Variants in IL6ST observed in about 807,000 individuals in gnomAD.
IL6ST encodes the protein interleukin-6 receptor subunit beta.
In IL6ST, 24 loss-of-function variants were observed where a neutral mutation model predicts 91.3. The ratio of observed to expected loss-of-function variants is 0.26; its 90% CI spans 0.19 to 0.37. The LOEUF (loss-of-function observed/expected upper bound fraction) is 0.37, where lower values mean the gene tolerates loss of function less well. IL6ST is among the 10% of genes least tolerant of loss of function. The probability of loss-of-function intolerance (pLI) is 1.00; values close to 1 mark genes in which losing one functional copy is unlikely to be tolerated. For missense variants in IL6ST, 914 were observed against 1,078.5 expected (o/e 0.85, Z 2.14); for synonymous variants, 351 against 373.6 (o/e 0.94, Z 0.70).
chr5:55,981,212 T>C (rs914687515), intron 2 of IL6ST, among the ~76,000 whole-genome samples: 9 of 152,188 alleles, frequency 5.9e-5, no homozygotes. Context: ...TTTTAAAAGA[T>C]TGTAATGGAG....
rs979625861 is a variant in IL6ST at position 55,938,308 on chromosome 5, C to G, written c.*2774G>C. On this transcript the variant is annotated 3_prime_UTR_variant, in exon 17 of 17. Coordinates refer to ENST00000381298, the MANE Select transcript of IL6ST (RefSeq NM_002184.4). ...TTTCCTTGCTGCTGTTCCCGAGTGC[C>G]GACTGATCCATAGTAAAAAAGGACA... 5.2e-6 allele frequency: 1 copy of G among 191,016 alleles called. No individual in the cohort carries two copies. The highest frequency in any genetic ancestry group is 1.9e-4 in the South Asian group (1 of 5,140). The allele number at this position is 191,016 out of a possible 1,614,324, so 11.8% of individuals were successfully genotyped here.
In IL6ST at chr5:55,994,113, G is replaced by C. The variant is rs1266552935; in HGVS notation, c.-104+671C>G. On this transcript the variant is annotated intron_variant, in intron 1 of 16. Transcript: ENST00000381298. ...AACCTGTGATTTTTTTTTTTTTTCA[G>C]TTTCGGATTATGAAATAAAATGCTG... is the stretch of plus-strand genomic sequence containing the variant. 1.6e-4 allele frequency: 18 copies of C among 111,496 alleles called. No individual in the cohort carries two copies. In the East Asian group the frequency reaches 4.1e-3, roughly 26 times the overall value. 6.9% of individuals were successfully genotyped at this position (111,496 alleles called of 1,614,324 possible).
intron 1 of IL6ST, among the ~76,000 whole-genome samples, chr5:55,986,984 G>GTT (rs2111924650): frequency 6.6e-6 from 1 of 152,314 alleles, no homozygotes; most frequent in African/African-American, 2.4e-5. Flanking sequence ...GGGCAATATA[G>GTT]TAAGACTCTC....
intron 7 of IL6ST, among the ~76,000 whole-genome samples, chr5:55,961,706 C>T (rs1230044536): frequency 6.7e-6 from 1 of 149,074 alleles, no homozygotes; most frequent in Non-Finnish European, 1.5e-5. Flanking sequence ...TGCAGTAAGC[C>T]AAGATCATGC....
intron 9 of IL6ST, 57 bp downstream of exon 9, chr5:55,957,152 G>A: frequency 4.6e-6 from 4 of 871,186 alleles, no homozygotes; most frequent in Non-Finnish European, 3.5e-6. Context: ...GCGAGACTCG[G>A]TTTCAAAAAA....
intron 15 of IL6ST, among the ~76,000 whole-genome samples, chr5:55,944,264 A>T (rs1041838712): frequency 1.3e-5 from 2 of 152,222 alleles, no homozygotes; most frequent in Admixed American, 1.3e-4. Context: ...CTAAAAGCAT[A>T]AAGATTAGAA....
In IL6ST at chr5:55,969,829, T is replaced by C. The variant is rs2111814925; in HGVS notation, c.91A>G (p.Ile31Val). Residue 31 changes from isoleucine (I) to valine (V), a missense_variant, in exon 4 of 17, where the codon ATC (isoleucine) becomes GTC (valine). Coordinates refer to ENST00000381298, the MANE Select transcript of IL6ST (RefSeq NM_002184.4). Reference sequence around the variant, plus strand: ...TGTACAACTGGAGATTCAGGACTGATATAACCACATGGATCTAGAAGTTCA... The same window carrying C: ...TGTACAACTGGAGATTCAGGACTGACATAACCACATGGATCTAGAAGTTCA... ...TGELLDPCGY[I>V]SPESPVVQLH... 1 of 1,604,812 alleles carries C rather than the reference T, an allele frequency of 6.2e-7. No homozygotes were observed. The highest frequency in any genetic ancestry group is 8.5e-7 in the Non-Finnish European group (1 of 1,172,452).
chr5:55,992,341 G>A (rs1365167577), intron 1 of IL6ST, among the ~76,000 whole-genome samples: 6 of 152,156 alleles, frequency 3.9e-5, no homozygotes, highest in Admixed American at 2.0e-4. Flanking sequence ...GTATGGAGAC[G>A]CAGGATGTAT....
chr5:55,960,029 G>A (rs1053929264), intron 8 of IL6ST, among the ~76,000 whole-genome samples: 2 of 152,050 alleles, frequency 1.3e-5, no homozygotes, highest in African/African-American at 4.8e-5. Flanking sequence ...GGGACTACAG[G>A]CGCCCACCAC....
chr5:55,981,567 T>C (rs977788243), intron 2 of IL6ST, among the ~76,000 whole-genome samples: 3 of 151,838 alleles, frequency 2.0e-5, no homozygotes, highest in Non-Finnish European at 4.4e-5. Context: ...CACTTGAACC[T>C]GGGAGGCGGA....
intron 2 of IL6ST, among the ~76,000 whole-genome samples, chr5:55,977,216 C>G (rs1753352062): frequency 6.6e-6 from 1 of 151,672 alleles, no homozygotes; most frequent in Admixed American, 6.6e-5. Context: ...ATAAACGAAG[C>G]CAGACACAAC....
intron 14 of IL6ST, chr5:55,950,313 G>T: frequency 2.5e-6 from 1 of 402,940 alleles, no homozygotes; most frequent in Non-Finnish European, 5.0e-6. Context: ...GAGGCAGGTG[G>T]ATCACCTGAG....
chr5:55,942,620 C>CTG, intron 16 of IL6ST, 50 bp downstream of exon 16: 1 of 930,670 alleles, frequency 1.1e-6, no homozygotes, highest in Admixed American at 1.9e-5. Context: ...CTCAATATAC[C>CTG]TACTAACATG....
intron 3 of IL6ST, among the ~76,000 whole-genome samples, chr5:55,971,792 T>A (rs1752981632): frequency 1.3e-5 from 2 of 151,904 alleles, no homozygotes; most frequent in Admixed American, 1.3e-4. Context: ...CCAGAAAAAA[T>A]TAAAAACAGT....
chr5:55,961,202 C>G (rs563055885), intron 7 of IL6ST, among the ~76,000 whole-genome samples: 1 of 152,018 alleles, frequency 6.6e-6, no homozygotes, highest in Non-Finnish European at 1.5e-5. Flanking sequence ...TTCCTTTTTT[C>G]CCTTTATTTC....
chr5:55,975,248 C>T (rs1753217626), intron 3 of IL6ST, among the ~76,000 whole-genome samples: 1 of 152,122 alleles, frequency 6.6e-6, no homozygotes, highest in Admixed American at 6.5e-5. Flanking sequence ...TCACTTGGTA[C>T]TGCCTCGAGA....
intron 5 of IL6ST, among the ~76,000 whole-genome samples, chr5:55,964,952 G>A (rs922808446): frequency 1.3e-5 from 2 of 152,058 alleles, no homozygotes; most frequent in African/African-American, 4.8e-5. Flanking sequence ...CCTCTAAGGA[G>A]AAGGAAATAA....
In IL6ST at chr5:55,940,825, C is replaced by T. The variant is rs541204098; in HGVS notation, c.*257G>A. 5 of 405,784 alleles carry T rather than the reference C, an allele frequency of 1.2e-5. No homozygotes were observed. The highest frequency in any genetic ancestry group is 2.0e-5 in the African/African-American group (1 of 48,980). 25.1% of individuals were successfully genotyped at this position (405,784 alleles called of 1,614,324 possible). ...TTCAGATAAGCTTTCTGTTTTTCTTCAGTGCAAACATCCTGAAACAGCACA... is the reference window on the plus strand; with the variant it reads ...TTCAGATAAGCTTTCTGTTTTTCTTTAGTGCAAACATCCTGAAACAGCACA... On this transcript the variant is annotated 3_prime_UTR_variant, in exon 17 of 17. Transcript: ENST00000381298.
chr5:55,947,592 TAAAAAAAA>T lies in IL6ST; in HGVS notation c.1841-11_1841-4del, dbSNP rs71602925. On this transcript the variant is annotated splice_polypyrimidine_tract_variant and splice_region_variant and intron_variant, in intron 14 of 16. Transcript: ENST00000381298. ...TATGGCTTCAATTTCTCCTTGAGCTTAAAAAAAAAAAAAAAAAAAAAAAAAGAGGTGTG... is the reference window on the plus strand; with the variant it reads ...TATGGCTTCAATTTCTCCTTGAGCTTAAAAAAAAAAAAAAAAAGAGGTGTG... The T allele has an allele frequency of 5.0e-3, 1,948 of 391,284 alleles. No homozygotes were observed. Among genetic ancestry groups the T allele is most frequent in the South Asian group, 0.017 (477 of 27,334 alleles). The allele number at this position is 391,284 out of a possible 1,614,324, so 24.2% of individuals were successfully genotyped here. A position where few individuals can be genotyped will look rare whatever the true frequency, so the allele number is the denominator to read the frequency against.
Sources: allele counts gnomAD v4.1 joint callset (sites outside exome capture counted in the v4.1 genomes callset), GRCh38; gene constraint gnomAD v4.1.1; transcripts MANE v1.5; gene names NCBI Gene and HGNC (gene_info 2026-07-23, HGNC 2026-07-21).